PRKAG2: variants seen among roughly 807,000 people sequenced by gnomAD.
PRKAG2 encodes the protein 5'-AMP-activated protein kinase subunit gamma-2.
In PRKAG2, 26 loss-of-function variants were observed where a neutral mutation model predicts 69.6. The observed-to-expected ratio is 0.37, with a 90% CI of 0.27 to 0.52. The LOEUF (loss-of-function observed/expected upper bound fraction) is 0.52, where lower values mean the gene tolerates loss of function less well. Ranked by LOEUF, PRKAG2 falls within the 20% of genes least tolerant of loss-of-function variation. PRKAG2 has a pLI of 0.90. For synonymous variants in PRKAG2, 293 were observed against 285.0 expected (o/e 1.03, Z -0.28); for missense variants, 557 against 740.0 (o/e 0.75, Z 2.87).
At chr7:151,764,562 G>A (rs372789892) in intron 3 of PRKAG2, among the ~76,000 whole-genome samples, 59 of 152,308 alleles carry the variant, frequency 3.9e-4, no homozygotes, top group Middle Eastern at 3.4e-3. Flanking sequence ...CAGGGAGAGC[G>A]GGGAAGTGCC....
intron 4 of PRKAG2, chr7:151,675,017 GT>G (rs1832679325): frequency 2.9e-6 from 1 of 342,826 alleles, no homozygotes; most frequent in Non-Finnish European, 5.7e-6. Flanking sequence ...TGCCATCTAG[GT>G]TTAAGCAATT....
Position 151,780,005 on chromosome 7 carries a change from G to C in PRKAG2, c.466+1147C>G, listed in dbSNP as rs1463014668. Among the ~76,000 whole-genome samples, 1 of 152,218 alleles carries C rather than the reference G, an allele frequency of 6.6e-6. No individual in the cohort carries two copies. The highest frequency in any genetic ancestry group is 1.5e-5 in the Non-Finnish European group (1 of 68,042). Reference sequence around the variant, plus strand: ...CAGCCTTGAGTGAGGGGTGTGTGTAGAGCATGGTCAGGACCTGCCCCCCAC... The same window carrying C: ...CAGCCTTGAGTGAGGGGTGTGTGTACAGCATGGTCAGGACCTGCCCCCCAC... On this transcript the variant is annotated intron_variant, in intron 3 of 15. Transcript: ENST00000287878. The surrounding 1 kb of genome is among the most constrained non-coding windows in gnomAD (Gnocchi z 4.2).
intron 6 of PRKAG2, among the ~76,000 whole-genome samples, chr7:151,589,346 T>A (rs1052177365): frequency 6.6e-5 from 10 of 152,192 alleles, no homozygotes; most frequent in Admixed American, 5.2e-4. Context: ...TCCACGACAC[T>A]GTGGAGTACA....
chr7:151,652,262 C>T (rs536202333), intron 4 of PRKAG2, among the ~76,000 whole-genome samples: 10 of 152,038 alleles, frequency 6.6e-5, no homozygotes, highest in Admixed American at 3.9e-4. Context: ...TTTTTCCAAC[C>T]GCCTATCTGT....
At chr7:151,829,658 C>T (rs1426083145) in intron 1 of PRKAG2, among the ~76,000 whole-genome samples, 2 of 151,950 alleles carry the variant, frequency 1.3e-5, no homozygotes, top group South Asian at 2.1e-4. Flanking sequence ...AAACAGAACA[C>T]GGTATATTCA....
intron 3 of PRKAG2, among the ~76,000 whole-genome samples, chr7:151,680,269 C>A (rs1255398638): frequency 2.6e-5 from 4 of 152,112 alleles, no homozygotes; most frequent in African/African-American, 9.7e-5. Flanking sequence ...TTATTCATTA[C>A]CATGGTGCTT....
intron 3 of PRKAG2, among the ~76,000 whole-genome samples, chr7:151,758,178 A>C (rs1204403226): frequency 6.6e-6 from 1 of 152,006 alleles, no homozygotes; most frequent in Non-Finnish European, 1.5e-5. Flanking sequence ...ATAATGTCCC[A>C]ATGTCCAGCA....
chr7:151,587,571 T>C (rs1411294062), intron 6 of PRKAG2, among the ~76,000 whole-genome samples: 1 of 152,206 alleles, frequency 6.6e-6, no homozygotes, highest in Non-Finnish European at 1.5e-5. Flanking sequence ...GGAGACGGTA[T>C]GATGAAAAGG....
At chr7:151,640,694 G>A (rs143995506) in intron 4 of PRKAG2, among the ~76,000 whole-genome samples, 1 of 150,766 alleles carries the variant, frequency 6.6e-6, no homozygotes, top group African/African-American at 2.5e-5. Flanking sequence ...CCCGATTCAC[G>A]ACCTTTTCTC....
intron 3 of PRKAG2, among the ~76,000 whole-genome samples, chr7:151,768,844 G>A (rs1373715332): frequency 3.9e-5 from 6 of 152,224 alleles, no homozygotes; most frequent in East Asian, 1.9e-4. Context: ...AGGACAGCCC[G>A]TGCCTGAAGA....
At chr7:151,634,603 G>A (rs1825408477) in intron 4 of PRKAG2, among the ~76,000 whole-genome samples, 4 of 151,930 alleles carry the variant, frequency 2.6e-5, no homozygotes, top group Admixed American at 2.0e-4. Context: ...GCTCTCCAAG[G>A]AATAGCAAAA....
chr7:151,701,804 C>T (rs1336193189), intron 3 of PRKAG2, among the ~76,000 whole-genome samples: 1 of 149,610 alleles, frequency 6.7e-6, no homozygotes, highest in Non-Finnish European at 1.5e-5. Context: ...GATTGCGCCA[C>T]TGCACTCCAG....
chr7:151,682,246 C>A (rs1180577349), intron 3 of PRKAG2, among the ~76,000 whole-genome samples: 2 of 152,092 alleles, frequency 1.3e-5, no homozygotes, highest in East Asian at 3.8e-4. Context: ...CACAATCCCT[C>A]ATTACTTTTT....
At chr7:151,684,615 G>A (rs770389165) in intron 3 of PRKAG2, among the ~76,000 whole-genome samples, 33 of 152,112 alleles carry the variant, frequency 2.2e-4, no homozygotes, top group Non-Finnish European at 4.1e-4. Flanking sequence ...CCTGCTGGTC[G>A]GAAGCTCAGA....
intron 1 of PRKAG2, among the ~76,000 whole-genome samples, chr7:151,833,571 T>C (rs1458697351): frequency 6.6e-6 from 1 of 152,144 alleles, no homozygotes; most frequent in African/African-American, 2.4e-5. Flanking sequence ...AGTGTCTGTC[T>C]CGGCTCTTAA....
At chr7:151,732,613 A>T (rs1164390177) in intron 3 of PRKAG2, among the ~76,000 whole-genome samples, 1 of 152,212 alleles carries the variant, frequency 6.6e-6, no homozygotes, top group Non-Finnish European at 1.5e-5. Context: ...CGATGCTGCA[A>T]GACCTAGGGT....
chr7:151,818,990 C>T (rs6975614), intron 1 of PRKAG2, among the ~76,000 whole-genome samples: 30,465 of 152,218 alleles, frequency 0.2, 3,759 homozygotes, highest in Middle Eastern at 0.29. Flanking sequence ...GGCTGCTCTG[C>T]GCCGTGAACA....
rs114151315 is a variant in PRKAG2 at position 151,848,316 on chromosome 7, T to C, written c.114+28191A>G. ...AACCAGTGAGGCCTACTTTTGTCCA[T>C]GTGAAGTCACAGTGTGCAAGGTGCC... is the stretch of plus-strand genomic sequence containing the variant. On this transcript the variant is annotated intron_variant, in intron 1 of 15. Coordinates refer to ENST00000287878, the MANE Select transcript of PRKAG2 (RefSeq NM_016203.4). 2.2e-3 allele frequency among the ~76,000 whole-genome samples: 330 copies of C among 152,208 alleles called. 1 individual carries two copies. Among genetic ancestry groups the C allele is most frequent in the African/African-American group, 7.4e-3 (309 of 41,528 alleles).
chr7:151,797,041 C>T (rs918803976), intron 1 of PRKAG2, among the ~76,000 whole-genome samples: 10 of 152,126 alleles, frequency 6.6e-5, no homozygotes, highest in Admixed American at 5.9e-4. Flanking sequence ...GGAAAGGCCC[C>T]GAGGCCCCAC....
Sources: gnomAD v4.1 joint callset for allele counts (sites outside exome capture counted in the v4.1 genomes callset) on GRCh38, gnomAD v4.1.1 for gene constraint, Gnocchi (gnomAD v3.1) non-coding constraint, MANE v1.5 for transcripts, NCBI Gene and HGNC (gene_info 2026-07-23, HGNC 2026-07-21) for gene names.